Variants in FLACC1 observed in about 807,000 individuals in gnomAD.
FLACC1 encodes flagellum associated containing coiled-coil domains 1.
Under a neutral mutation model 62.8 loss-of-function variants are expected in FLACC1, and 66 were observed. The observed-to-expected ratio is 1.05, with a 90% CI of 0.86 to 1.29. FLACC1 has a LOEUF of 1.29. Ranked by LOEUF, FLACC1 falls within the 50% of genes most tolerant of loss-of-function variation. FLACC1 has a pLI of 0.00. For missense variants in FLACC1, 452 were observed against 489.1 expected, an observed-to-expected ratio of 0.92 and a Z score of 0.71; for synonymous variants, 156 against 161.0, an observed-to-expected ratio of 0.97 and a Z score of 0.24.
chr2:201,313,335 C>T (rs1192237504), intron 9 of FLACC1, among the ~76,000 whole-genome samples: 2 of 152,104 alleles, frequency 1.3e-5, no homozygotes, highest in Non-Finnish European at 2.9e-5. Flanking sequence ...TCCTGTTTGC[C>T]CACTGCCTGG....
At chr2:201,356,957 A>G (rs146487381) in intron 1 of FLACC1, 25 bp downstream of exon 1, 2 of 152,352 alleles carry the variant, frequency 1.3e-5, no homozygotes, top group Non-Finnish European at 2.9e-5. Context: ...AAAATAATAT[A>G]AAACATCTTT....
chr2:201,335,957 TTTC>T lies in FLACC1; in HGVS notation c.525-5127_525-5125del, dbSNP rs367634059. On this transcript the variant is annotated intron_variant, in intron 7 of 14. Coordinates refer to ENST00000392257, the MANE Select transcript of FLACC1 (RefSeq NM_001127391.3). ...GTCATAAATAGAATTGTCTTCTTAA[TTTC>T]TTTTTTAGATAGTATATAGAAATAC... is the stretch of plus-strand genomic sequence containing the variant. 1.8e-3 allele frequency among the ~76,000 whole-genome samples: 268 copies of T among 152,348 alleles called. 5 individuals are homozygous for T. In the South Asian group the frequency reaches 0.051, roughly 29 times the overall value.
chr2:201,358,722 G>A (rs561904826), upstream of FLACC1, among the ~76,000 whole-genome samples: 1 of 152,124 alleles, frequency 6.6e-6, no homozygotes, highest in Non-Finnish European at 1.5e-5. Flanking sequence ...CGGCCGCCCA[G>A]CTAATTTTTT....
At chr2:201,337,455 G>A (rs1950717687) in intron 7 of FLACC1, among the ~76,000 whole-genome samples, 1 of 152,148 alleles carries the variant, frequency 6.6e-6, no homozygotes, top group South Asian at 2.1e-4. Context: ...GTAATTACAT[G>A]AATTTATTTC....
intron 9 of FLACC1, among the ~76,000 whole-genome samples, chr2:201,309,842 G>C (rs1474784508): frequency 7.0e-6 from 1 of 143,378 alleles, no homozygotes; most frequent in Non-Finnish European, 1.5e-5. Context: ...AGAAGGCAGA[G>C]GTTGCAGTGA....
intron 7 of FLACC1, 138 bp from the exon 8 acceptor site, chr2:201,330,971 C>CTTT: frequency 3.3e-5 from 14 of 424,994 alleles, no homozygotes; most frequent in Non-Finnish European, 4.4e-5. Flanking sequence ...ATTTTTAAAT[C>CTTT]TTTTTTTTTT....
chr2:201,334,564 A>T (rs1950655700), intron 7 of FLACC1, among the ~76,000 whole-genome samples: 1 of 152,144 alleles, frequency 6.6e-6, no homozygotes, highest in African/African-American at 2.4e-5. Flanking sequence ...CAGGCAGATC[A>T]CTTGAGGTTG....
intron 6 of FLACC1, among the ~76,000 whole-genome samples, chr2:201,343,863 A>G (rs988093612): frequency 2.0e-5 from 3 of 152,250 alleles, no homozygotes; most frequent in African/African-American, 7.2e-5. Flanking sequence ...CACAAAGGCC[A>G]GACAGAAAAC....
chr2:201,346,099 A>T lies in FLACC1; in HGVS notation c.368+443T>A, dbSNP rs1435659230. ...AGAATAGCTTAAACCTGGGAGGCAGAAGTTGCAGTGAGCTGAGATCGTGCC... is the reference window on the plus strand; with the variant it reads ...AGAATAGCTTAAACCTGGGAGGCAGTAGTTGCAGTGAGCTGAGATCGTGCC... On this transcript the variant is annotated intron_variant, in intron 5 of 14. Coordinates refer to ENST00000392257, the MANE Select transcript of FLACC1 (RefSeq NM_001127391.3). The surrounding 1 kb of genome is among the most constrained non-coding windows in gnomAD (Gnocchi z 4.0). 6.6e-6 allele frequency among the ~76,000 whole-genome samples: 1 copy of T among 152,116 alleles called. No individual in the cohort carries two copies. Among genetic ancestry groups the T allele is most frequent in the Admixed American group, 6.5e-5 (1 of 15,270 alleles).
chr2:201,347,267 A>T (rs1331034692), intron 4 of FLACC1, among the ~76,000 whole-genome samples: 1 of 152,204 alleles, frequency 6.6e-6, no homozygotes, highest in African/African-American at 2.4e-5. Flanking sequence ...GGGCTCTGAG[A>T]GCTGCGCAGC....
chr2:201,350,972 AAG>A (rs1951016464), intron 2 of FLACC1, among the ~76,000 whole-genome samples, 190 bp from the exon 3 acceptor site: 1 of 152,214 alleles, frequency 6.6e-6, no homozygotes, highest in South Asian at 2.1e-4. Flanking sequence ...CTGTCCCAGG[AAG>A]AGTTTGTCCC....
At chr2:201,337,672 C>T (rs1247418201) in intron 7 of FLACC1, among the ~76,000 whole-genome samples, 2 of 152,102 alleles carry the variant, frequency 1.3e-5, no homozygotes, top group Admixed American at 6.6e-5. Flanking sequence ...TCCAGGCACA[C>T]TCCATAATAC....
chr2:201,327,245 C>T (rs900243709), intron 9 of FLACC1, among the ~76,000 whole-genome samples: 1 of 152,012 alleles, frequency 6.6e-6, no homozygotes, highest in African/African-American at 2.4e-5. Context: ...AAAACTCTTC[C>T]AGTCATTGGC....
chr2:201,325,276 C>T (rs1042531025), intron 9 of FLACC1, among the ~76,000 whole-genome samples: 2 of 151,626 alleles, frequency 1.3e-5, no homozygotes, highest in East Asian at 1.9e-4. Context: ...ACAAAAAAAA[C>T]GAAGTCCAAA....
At chr2:201,348,118 A>G in intron 4 of FLACC1, 136 bp downstream of exon 4, 1 of 802,196 alleles carries the variant, frequency 1.2e-6, no homozygotes, top group Non-Finnish European at 1.9e-6. Flanking sequence ...CATAATGTGC[A>G]ATATTAACAG....
chr2:201,342,371 T>A lies in FLACC1; in HGVS notation c.523A>T (p.Arg175Trp). The change falls in exon 7 of 15, where the codon AGG becomes TGG. Residue 175 changes from arginine (R) to tryptophan (W), a missense_variant and splice_region_variant. By Grantham distance (101) the Arg-to-Trp change is moderately radical (BLOSUM62 -3). Around this residue, in one of 3 missense-constraint regions of FLACC1, gnomAD observed 301 missense variants for 318.4 expected, o/e 0.95. Transcript: ENST00000392257. The part of the protein sequence containing the change: ...EMKQNFENKN[R>W]ELKEAHEAEL... ...AAGGGTCCATGCCAGAAAGTGTACC[T>A]GTTCTTGTTTTCAAAGTTCTGTTTC... The A allele has an allele frequency of 6.2e-7, 1 of 1,614,154 alleles. No individual in the cohort carries two copies. The highest frequency in any genetic ancestry group is 8.5e-7 in the Non-Finnish European group (1 of 1,180,004).
At chr2:201,313,032 G>A (rs1343895890) in intron 9 of FLACC1, among the ~76,000 whole-genome samples, 1 of 152,198 alleles carries the variant, frequency 6.6e-6, no homozygotes, top group African/African-American at 2.4e-5. Flanking sequence ...GAAATATAGG[G>A]GTAAAGGAAG....
the FLACC1 span, among the ~76,000 whole-genome samples, chr2:201,363,431 G>T: frequency 6.6e-6 from 1 of 151,918 alleles, no homozygotes; most frequent in African/African-American, 2.4e-5. Flanking sequence ...TTTGCACCCC[G>T]GCAGATCTCT....
the FLACC1 span, among the ~76,000 whole-genome samples, chr2:201,362,755 AT>A: frequency 5.3e-5 from 8 of 152,320 alleles, no homozygotes; most frequent in African/African-American, 1.9e-4. Flanking sequence ...GCAGGGTGCC[AT>A]TTTTAATCCA....
Sources: allele counts gnomAD v4.1 joint callset (sites outside exome capture counted in the v4.1 genomes callset), GRCh38; gene constraint gnomAD v4.1.1; regional missense constraint gnomAD v4.1.1; non-coding constraint Gnocchi (gnomAD v3.1); transcripts MANE v1.5; gene names NCBI Gene and HGNC (gene_info 2026-07-23, HGNC 2026-07-21).